The following AACS variants were observed in gnomAD, a reference collection of about 807,000 sequenced individuals.
The protein encoded by AACS is acetoacetate-CoA ligase.
In AACS, 69 loss-of-function variants were observed where a neutral mutation model predicts 83.1. The ratio of observed to expected loss-of-function variants is 0.83; its 90% confidence interval spans 0.68 to 1.01. The LOEUF is 1.01. Among genes scored for constraint, AACS ranks in the 50% least tolerant of loss-of-function variants. AACS has a pLI of 0.00. For synonymous variants in AACS, 333 were observed against 343.4 expected (o/e 0.97, Z 0.33); for missense variants, 866 against 882.2 (o/e 0.98, Z 0.23).
chr12:125,092,404 G>A (rs1488208082), intron 5 of AACS: 2 of 152,352 alleles, frequency 1.3e-5, no homozygotes, highest in African/African-American at 4.8e-5. Context: ...CACAGGTGAG[G>A]CTTTTGGGTG....
chr12:125,108,707 G>A (rs573960111), intron 8 of AACS, among the ~76,000 whole-genome samples: 44 of 151,164 alleles, frequency 2.9e-4, no homozygotes, highest in South Asian at 1.3e-3. Context: ...TTGATCTGTC[G>A]CCCAGACTGG....
At chr12:125,125,480 G>A (rs1043101123) in intron 12 of AACS, among the ~76,000 whole-genome samples, 15 of 152,166 alleles carry the variant, frequency 9.9e-5, no homozygotes, top group African/African-American at 3.1e-4. Context: ...AGGCTGTGTC[G>A]CCTTGTGTGA....
chr12:125,111,804 C>T (rs757966003), intron 8 of AACS, among the ~76,000 whole-genome samples: 1 of 152,164 alleles, frequency 6.6e-6, no homozygotes, highest in Non-Finnish European at 1.5e-5. Context: ...CTGCCTTACC[C>T]TCAGGGAAAG....
intron 1 of AACS, among the ~76,000 whole-genome samples, chr12:125,070,787 G>A (rs764602104): frequency 6.6e-6 from 1 of 152,158 alleles, no homozygotes; most frequent in Admixed American, 6.6e-5. Flanking sequence ...ACCAAGGCAC[G>A]AAGTCTCAGT....
chr12:125,091,084 C>G (rs969555466), intron 4 of AACS: 1 of 339,870 alleles, frequency 2.9e-6, no homozygotes, highest in Non-Finnish European at 5.8e-6. Context: ...GAGTGTTCAG[C>G]AGATCAGACA....
At position 125,107,280 on chromosome 12, in the gene AACS, G is replaced by C; in HGVS notation, c.915+12G>C. On this transcript the variant is annotated intron_variant, in intron 8 of 17. Transcript: ENST00000316519. ...TGCATTCCGCTGGGGTAGGTCTCTG[G>C]GGAAGGCTCTGCAGGGCCTCCTGTT... 6.2e-7 allele frequency: 1 copy of C among 1,612,354 alleles called. No individual in the cohort carries two copies. Among genetic ancestry groups the C allele is most frequent in the Non-Finnish European group, 8.5e-7 (1 of 1,179,380 alleles).
intron 10 of AACS, chr12:125,122,045 G>A (rs1957161911): frequency 6.6e-6 from 1 of 152,346 alleles, no homozygotes; most frequent in African/African-American, 2.4e-5. Context: ...GTCCTCGAGA[G>A]GTCTTGGCAT....
chr12:125,096,409 G>A (rs1054893978), intron 5 of AACS, among the ~76,000 whole-genome samples: 6 of 152,276 alleles, frequency 3.9e-5, no homozygotes, highest in South Asian at 2.1e-4. Context: ...TTAGAATCCC[G>A]GGCACAGAGA....
At chr12:125,102,814 C>T in intron 6 of AACS, 21 bp downstream of exon 6, 1 of 1,607,374 alleles carries the variant, frequency 6.2e-7, no homozygotes, top group Non-Finnish European at 8.5e-7. Context: ...CTTCCGGCTC[C>T]CAGCCGGCAT....
At chr12:125,098,520 C>T (rs528146639) in intron 5 of AACS, among the ~76,000 whole-genome samples, 10 of 151,192 alleles carry the variant, frequency 6.6e-5, no homozygotes, top group African/African-American at 2.4e-4. Flanking sequence ...GGCATGATCT[C>T]AGCTCACTGC....
intron 14 of AACS, among the ~76,000 whole-genome samples, chr12:125,131,747 C>T (rs112159298): frequency 1.8e-4 from 28 of 152,012 alleles, no homozygotes; most frequent in African/African-American, 5.8e-4. Context: ...TACAGGCGCG[C>T]GCCACCACGC....
chr12:125,088,195 A>G (rs532653997), intron 4 of AACS, among the ~76,000 whole-genome samples: 2 of 145,398 alleles, frequency 1.4e-5, no homozygotes, highest in East Asian at 4.0e-4. Context: ...ATGAATGACT[A>G]TGGGTGTTGG....
In AACS at chr12:125,128,252, CGTGGAAGCG is replaced by C; in HGVS notation, c.1402_1410del (p.Val468_Ala470del). On this transcript the variant is annotated inframe_deletion, in exon 13 of 18. Transcript: ENST00000316519. ...TTCAGGCCCGGAACCTGGGCATGGCCGTGGAAGCGTGGAACGAGGAAGGTGATGGCTCCA... is the reference window on the plus strand; with the variant it reads ...TTCAGGCCCGGAACCTGGGCATGGCCTGGAACGAGGAAGGTGATGGCTCCA... The C allele has an allele frequency of 6.2e-7, 1 of 1,611,612 alleles. No homozygotes were observed. Among genetic ancestry groups the C allele is most frequent in the Non-Finnish European group, 8.5e-7 (1 of 1,178,390 alleles).
At chr12:125,110,486 C>T (rs1055199324) in intron 8 of AACS, among the ~76,000 whole-genome samples, 4 of 152,168 alleles carry the variant, frequency 2.6e-5, no homozygotes, top group African/African-American at 7.2e-5. Context: ...TCTCCTGGGC[C>T]GGTCTGTGGG....
At chr12:125,108,095 G>A (rs947515398) in intron 8 of AACS, among the ~76,000 whole-genome samples, 1 of 152,216 alleles carries the variant, frequency 6.6e-6, no homozygotes, top group Non-Finnish European at 1.5e-5. Context: ...ATGTCTGACC[G>A]TGGGTTGTGG....
At chr12:125,074,109 C>A in intron 2 of AACS, 130 bp downstream of exon 2, 1 of 732,468 alleles carries the variant, frequency 1.4e-6, no homozygotes, top group Non-Finnish European at 2.3e-6. Flanking sequence ...AGTCATTGCC[C>A]TAGAGAACTG....
chr12:125,095,294 C>G (rs1297341368), intron 5 of AACS, among the ~76,000 whole-genome samples: 2 of 152,114 alleles, frequency 1.3e-5, no homozygotes, highest in Non-Finnish European at 1.5e-5. Context: ...GTCAGAGGAC[C>G]CCTGAGTCTT....
chr12:125,119,886 G>T (rs78233275), intron 10 of AACS: 3,759 of 152,398 alleles, frequency 0.025, 59 homozygotes, highest in Non-Finnish European at 0.037. Context: ...CCTTTCTCCT[G>T]AGCCCATTGG....
chr12:125,135,233 G>T lies in AACS; in HGVS notation c.1678+381G>T, dbSNP rs182604652. 6.2e-3 allele frequency among the ~76,000 whole-genome samples: 936 copies of T among 151,762 alleles called. 5 individuals carry two copies. Among genetic ancestry groups the T allele is most frequent in the Middle Eastern group, 0.017 (5 of 294 alleles). ...CCTCTGCCTCCTCAGTAGCTGGGAT[G>T]ATAGACATGCACCACCATGCCCAGC... On this transcript the variant is annotated intron_variant, in intron 16 of 17. Transcript: ENST00000316519.
Sources: allele counts gnomAD v4.1 joint callset (sites outside exome capture counted in the v4.1 genomes callset), GRCh38; gene constraint gnomAD v4.1.1; transcripts MANE v1.5; gene names NCBI Gene and HGNC (gene_info 2026-07-23, HGNC 2026-07-21).